Variants in GALNT13 observed in about 807,000 individuals in gnomAD.
GALNT13 encodes polypeptide N-acetylgalactosaminyltransferase 13.
Under a neutral mutation model 64.2 loss-of-function variants are expected in GALNT13, and 28 were observed. The ratio of observed to expected loss-of-function variants is 0.44; its 90% CI spans 0.32 to 0.60. The LOEUF (loss-of-function observed/expected upper bound fraction) is 0.60, where lower values mean the gene tolerates loss of function less well. Among genes scored for constraint, GALNT13 ranks in the 20% least tolerant of loss-of-function variants. The pLI is 0.05. For missense variants in GALNT13, 577 were observed against 669.8 expected, an observed-to-expected ratio of 0.86 and a Z score of 1.53; for synonymous variants, 214 against 224.6, an observed-to-expected ratio of 0.95 and a Z score of 0.42.
chr2:153,598,064 G>A, the GALNT13 span, among the ~76,000 whole-genome samples: 2 of 152,046 alleles, frequency 1.3e-5, no homozygotes, highest in African/African-American at 2.4e-5. Flanking sequence ...TAAATATGAA[G>A]TATAAAACTG....
chr2:153,243,895 T>C, the GALNT13 span, among the ~76,000 whole-genome samples: 2 of 151,950 alleles, frequency 1.3e-5, no homozygotes, highest in Non-Finnish European at 2.9e-5. Flanking sequence ...TAATGGAAAA[T>C]TGTATAGGGT....
the GALNT13 span, among the ~76,000 whole-genome samples, chr2:153,702,510 AT>A: frequency 1.1e-3 from 169 of 152,302 alleles, no homozygotes; most frequent in African/African-American, 4.0e-3. Flanking sequence ...CGTATGGTAA[AT>A]AAAAAATAAT....
the GALNT13 span, among the ~76,000 whole-genome samples, chr2:153,258,180 G>T: frequency 6.6e-6 from 1 of 152,044 alleles, no homozygotes; most frequent in Non-Finnish European, 1.5e-5. Flanking sequence ...ATTCTTATTG[G>T]GCTTTATGCA....
the GALNT13 span, among the ~76,000 whole-genome samples, chr2:153,095,778 A>G: frequency 2.4e-4 from 37 of 152,272 alleles, no homozygotes; most frequent in Middle Eastern, 0.01. Flanking sequence ...TCAGCAAACT[A>G]TCACAAGGAC....
chr2:154,022,281 C>G (rs1302073729), intron 3 of GALNT13, among the ~76,000 whole-genome samples: 4 of 152,228 alleles, frequency 2.6e-5, no homozygotes, highest in Non-Finnish European at 5.9e-5. Context: ...AGGAATGGTA[C>G]CAGCTCTTCT....
At chr2:154,264,563 G>C (rs897970874) in intron 8 of GALNT13, among the ~76,000 whole-genome samples, 1 of 151,906 alleles carries the variant, frequency 6.6e-6, no homozygotes, top group African/African-American at 2.4e-5. Flanking sequence ...CTTGAACCCA[G>C]GAGGCAGAGG....
At chr2:154,288,227 A>G (rs999494568) in intron 8 of GALNT13, among the ~76,000 whole-genome samples, 1 of 152,090 alleles carries the variant, frequency 6.6e-6, no homozygotes, top group African/African-American at 2.4e-5. Context: ...TACTATCACA[A>G]GAACAGCAGC....
chr2:153,649,531 T>C, the GALNT13 span, among the ~76,000 whole-genome samples: 1 of 148,060 alleles, frequency 6.8e-6, no homozygotes, highest in Admixed American at 6.9e-5. Context: ...TGCTCTTGCT[T>C]TTCTAGTTCT....
intron 10 of GALNT13, among the ~76,000 whole-genome samples, chr2:154,399,896 G>A (rs1341910509): frequency 1.3e-5 from 2 of 152,126 alleles, no homozygotes; most frequent in Admixed American, 6.6e-5. Flanking sequence ...GGGTTATATG[G>A]TATAACGGCT....
chr2:154,130,291 G>C (rs1682534916), intron 3 of GALNT13, among the ~76,000 whole-genome samples: 1 of 152,070 alleles, frequency 6.6e-6, no homozygotes, highest in South Asian at 2.1e-4. Flanking sequence ...AGGAGTCAAA[G>C]GGAAAGGGAC....
chr2:153,917,980 TTC>T (rs150759967), intron 2 of GALNT13, among the ~76,000 whole-genome samples: 10,724 of 152,080 alleles, frequency 0.071, 439 homozygotes, highest in Middle Eastern at 0.13. Flanking sequence ...TTCTACTTCC[TTC>T]TCTCTGTTTT....
At chr2:153,752,526 G>C in the GALNT13 span, among the ~76,000 whole-genome samples, 1 of 152,122 alleles carries the variant, frequency 6.6e-6, no homozygotes, top group South Asian at 2.1e-4. Context: ...TAGGGTAAAA[G>C]CTTCTTTTGT....
chr2:153,333,566 C>G, the GALNT13 span, among the ~76,000 whole-genome samples: 1 of 152,052 alleles, frequency 6.6e-6, no homozygotes, highest in Non-Finnish European at 1.5e-5. Context: ...AGCCTCTAAT[C>G]TACCATCTTG....
intron 9 of GALNT13, among the ~76,000 whole-genome samples, chr2:154,314,695 C>T (rs1233424420): frequency 6.6e-6 from 1 of 151,970 alleles, no homozygotes; most frequent in Non-Finnish European, 1.5e-5. Flanking sequence ...TTCCTTTTAA[C>T]AACTAGCTCT....
the GALNT13 span, among the ~76,000 whole-genome samples, chr2:153,656,263 A>G: frequency 6.6e-6 from 1 of 151,710 alleles, no homozygotes; most frequent in Non-Finnish European, 1.5e-5. Context: ...TGATTATCCC[A>G]GTGCATTGTG....
intron 4 of GALNT13, among the ~76,000 whole-genome samples, chr2:154,207,742 G>C (rs1454044368): frequency 6.6e-6 from 1 of 152,162 alleles, no homozygotes; most frequent in South Asian, 2.1e-4. Context: ...AAGCAAGCTT[G>C]AGACCAGAAG....
chr2:153,507,719 G>C, the GALNT13 span, among the ~76,000 whole-genome samples: 1 of 152,114 alleles, frequency 6.6e-6, no homozygotes, highest in Non-Finnish European at 1.5e-5. Flanking sequence ...GAGCTGGTGT[G>C]ATCTTTGGGG....
the GALNT13 span, among the ~76,000 whole-genome samples, chr2:153,561,290 C>G: frequency 6.6e-6 from 1 of 151,510 alleles, no homozygotes; most frequent in African/African-American, 2.4e-5. Context: ...GGTTGACTAT[C>G]CCTTTTATGA....
chr2:153,328,012 T>G, the GALNT13 span, among the ~76,000 whole-genome samples: 1 of 152,212 alleles, frequency 6.6e-6, no homozygotes, highest in Admixed American at 6.5e-5. Context: ...TTGATGCTAC[T>G]GCTTTCTGTT....
Sources: gnomAD v4.1 joint callset for allele counts (sites outside exome capture counted in the v4.1 genomes callset) on GRCh38, gnomAD v4.1.1 for gene constraint, MANE v1.5 for transcripts, NCBI Gene and HGNC (gene_info 2026-07-23, HGNC 2026-07-21) for gene names.